DMBT1: variants seen among roughly 807,000 people sequenced by gnomAD.
The protein encoded by DMBT1 is deleted in malignant brain tumors 1.
A neutral mutation model predicts 252.9 loss-of-function variants in DMBT1; 198 were observed. That is an observed-to-expected ratio of 0.78 (90% CI 0.70 to 0.88). The LOEUF (loss-of-function observed/expected upper bound fraction) is 0.88, where lower values mean the gene tolerates loss of function less well. Ranked by LOEUF, DMBT1 falls within the 40% of genes least tolerant of loss-of-function variation. DMBT1 has a pLI of 0.00. For synonymous variants in DMBT1, 990 were observed against 942.7 expected, an observed-to-expected ratio of 1.05 and a Z score of -0.92; for missense variants, 2,432 against 2,404.7, an observed-to-expected ratio of 1.01 and a Z score of -0.24.
intron 21 of DMBT1, 100 bp downstream of exon 21, chr10:122,593,698 G>T: frequency 2.9e-6 from 4 of 1,384,730 alleles, no homozygotes; most frequent in Non-Finnish European, 4.0e-6. Flanking sequence ...TGTGGATACT[G>T]TGGGGCATAT....
chr10:122,634,186 C>T (rs372887855), intron 52 of DMBT1, among the ~76,000 whole-genome samples: 1 of 152,274 alleles, frequency 6.6e-6, no homozygotes, highest in East Asian at 1.9e-4. Context: ...TTTTGTGGAA[C>T]CCTTTTTCTC....
At chr10:122,577,884 G>A (rs551439423) in intron 8 of DMBT1, 44 bp downstream of exon 8, 2 of 1,606,638 alleles carry the variant, frequency 1.2e-6, no homozygotes, top group East Asian at 2.2e-5. Context: ...TTCTCTTTCT[G>A]CTCAGTTACC....
At chr10:122,580,468 G>A (rs2097758521) in intron 10 of DMBT1, among the ~76,000 whole-genome samples, 1 of 152,222 alleles carries the variant, frequency 6.6e-6, no homozygotes, top group Admixed American at 6.5e-5. Context: ...TCTGGTGAGG[G>A]GAGGGCAGTC....
chr10:122,625,360 T>C, intron 45 of DMBT1, 57 bp downstream of exon 45: 1 of 1,540,962 alleles, frequency 6.5e-7, no homozygotes, highest in Non-Finnish European at 8.9e-7. Context: ...CACCCTCTCT[T>C]GTTTCCAGAA....
intron 19 of DMBT1, 133 bp from the exon 20 acceptor site, chr10:122,592,139 G>T: frequency 7.2e-7 from 1 of 1,393,614 alleles, no homozygotes; most frequent in East Asian, 2.4e-5. Flanking sequence ...TGAACCTCTG[G>T]TTGCAGTCGT....
rs2098115745 is a variant in DMBT1 at position 122,625,923 on chromosome 10, T to A, written c.5636-10T>A. On this transcript the variant is annotated splice_polypyrimidine_tract_variant and intron_variant, in intron 45 of 55. Coordinates refer to ENST00000338354, the MANE Select transcript of DMBT1 (RefSeq NM_001377530.1). ...ACTAAAATCCTAAACAGCTTCATTT[T>A]TTTTTCTAGATTGGTGGCATCCAAC... 6.2e-7 allele frequency: 1 copy of A among 1,610,362 alleles called. No individual in the cohort carries two copies. Among genetic ancestry groups the A allele is most frequent in the Non-Finnish European group, 8.5e-7 (1 of 1,176,580 alleles).
At chr10:122,571,429 A>T (rs1565572218) in intron 4 of DMBT1, among the ~76,000 whole-genome samples, 1 of 152,062 alleles carries the variant, frequency 6.6e-6, no homozygotes, top group African/African-American at 2.4e-5. Flanking sequence ...GCTTTGGAGG[A>T]TGGGGGAACT....
At chr10:122,591,108 G>A (rs1291341570) in intron 18 of DMBT1, among the ~76,000 whole-genome samples, 3 of 148,626 alleles carry the variant, frequency 2.0e-5, no homozygotes, top group Non-Finnish European at 4.5e-5. Flanking sequence ...CACTTGCCAG[G>A]AGACTTTATA....
In DMBT1 at chr10:122,640,334, G is replaced by A. The variant is rs199571070; in HGVS notation, c.7237G>A (p.Val2413Ile). ...YYVDLNQDLY[V>I]QAEILHSDAV... is the part of the protein sequence containing the mutation. ...CGTGGACCTGAACCAGGACTTGTAC[G>A]TTCAGGCTGAAATCCTCCATTCTGA... Residue 2413 changes from valine (V) to isoleucine (I), a missense_variant, in exon 55 of 56, where the codon GTT (valine) becomes ATT (isoleucine). Transcript: ENST00000338354. 77 of 1,613,914 alleles carry A rather than the reference G, an allele frequency of 4.8e-5. No homozygotes were observed. Among genetic ancestry groups the A allele is most frequent in the East Asian group, 1.3e-4 (6 of 44,892 alleles).
intron 52 of DMBT1, among the ~76,000 whole-genome samples, chr10:122,633,731 G>T (rs2098186005): frequency 6.6e-6 from 1 of 152,228 alleles, no homozygotes; most frequent in South Asian, 2.1e-4. Flanking sequence ...AGAGAGGAGA[G>T]AGAGGGAGAG....
chr10:122,593,503 C>T, intron 20 of DMBT1, 66 bp from the exon 21 acceptor site: 1 of 1,514,674 alleles, frequency 6.6e-7, no homozygotes, highest in Non-Finnish European at 9.1e-7. Flanking sequence ...TCTTTCCCTC[C>T]TCGTTCCAGT....
intron 1 of DMBT1, among the ~76,000 whole-genome samples, chr10:122,565,353 A>C (rs58706450): frequency 0.019 from 2,896 of 152,278 alleles, 100 homozygotes; most frequent in South Asian, 0.14. Context: ...GATCTTTGAA[A>C]GACCTCTAAA....
chr10:122,573,203 A>G (rs909663072), intron 5 of DMBT1, among the ~76,000 whole-genome samples: 3 of 152,256 alleles, frequency 2.0e-5, no homozygotes, highest in African/African-American at 7.2e-5. Context: ...TGGTAATCCA[A>G]CCACCAAGTG....
intron 44 of DMBT1, among the ~76,000 whole-genome samples, chr10:122,621,885 G>C (rs903039321): frequency 2.0e-5 from 3 of 152,196 alleles, no homozygotes; most frequent in Non-Finnish European, 4.4e-5. Context: ...CCTGGGTCTT[G>C]GTCAGTTTCA....
Position 122,631,031 on chromosome 10 carries a change from T to C in DMBT1, c.6096T>C (p.His2032=), listed in dbSNP as rs764445225. The C allele has an allele frequency of 5.7e-5, 92 of 1,613,470 alleles. No homozygotes were observed. Among genetic ancestry groups the C allele is most frequent in the Non-Finnish European group, 7.4e-5 (87 of 1,179,504 alleles). ...GTGCCGGGCGTGTAGAAATTTACCATGGTGGCACCTGGGGGACAGTTTGTG... is the reference window on the plus strand; with the variant it reads ...GTGCCGGGCGTGTAGAAATTTACCACGGTGGCACCTGGGGGACAGTTTGTG... ...GLCAGRVEIY[H]GGTWGTVCDD... Residue 2032 remains histidine (H), a synonymous_variant, in exon 49 of 56, where the codon CAT becomes CAC. Coordinates refer to ENST00000338354, the MANE Select transcript of DMBT1 (RefSeq NM_001377530.1).
Position 122,632,871 on chromosome 10 carries a change from C to G in DMBT1, c.6378C>G (p.Leu2126=). 1 of 1,613,910 alleles carries G rather than the reference C, an allele frequency of 6.2e-7. No homozygotes were observed. The highest frequency in any genetic ancestry group is 1.3e-5 in the African/African-American group (1 of 75,040). Residue 2126 remains leucine, a synonymous_variant, in exon 51 of 56, where the codon CTC becomes CTG. Transcript: ENST00000338354. The stretch of plus-strand genomic sequence containing the variant: ...TCTTTTTGTCAACAGCTCCTTTTCT[C>G]AACATCACCCGTCCAAACAGTAAGT... ...GNHLSTPAPF[L]NITRPNTDYS...
At chr10:122,622,991 C>T (rs1043176291) in intron 44 of DMBT1, among the ~76,000 whole-genome samples, 1 of 152,160 alleles carries the variant, frequency 6.6e-6, no homozygotes, top group African/African-American at 2.4e-5. Context: ...TTACCATCAT[C>T]TCTATCTAGT....
intron 49 of DMBT1, 100 bp from the exon 50 acceptor site, chr10:122,631,755 G>A (rs571993828): frequency 8.1e-6 from 11 of 1,353,884 alleles, no homozygotes; most frequent in Non-Finnish European, 1.2e-5. Flanking sequence ...CGCCGAGGGG[G>A]GTCAGGTTAT....
At chr10:122,618,930 G>A (rs1179283562) in intron 41 of DMBT1, among the ~76,000 whole-genome samples, 3 of 152,260 alleles carry the variant, frequency 2.0e-5, no homozygotes, top group East Asian at 1.9e-4. Context: ...CCATGAGTCT[G>A]GCCAGGCATG....
Sources: allele counts gnomAD v4.1 joint callset (sites outside exome capture counted in the v4.1 genomes callset), GRCh38; gene constraint gnomAD v4.1.1; transcripts MANE v1.5; gene names NCBI Gene and HGNC (gene_info 2026-07-23, HGNC 2026-07-21).